RAPGEF1: variants seen among roughly 807,000 people sequenced by gnomAD.
RAPGEF1 encodes Rap guanine nucleotide exchange factor 1.
In RAPGEF1, 33 loss-of-function variants were observed where a neutral mutation model predicts 143.3. That is an observed-to-expected ratio of 0.23 (90% CI 0.17 to 0.31). RAPGEF1 has a LOEUF of 0.31. Ranked by LOEUF, RAPGEF1 falls within the 10% of genes least tolerant of loss-of-function variation. The pLI is 1.00. For missense variants in RAPGEF1, 1,199 were observed against 1,645.4 expected, an observed-to-expected ratio of 0.73 and a Z score of 4.69; for synonymous variants, 629 against 676.5, an observed-to-expected ratio of 0.93 and a Z score of 1.09.
intron 1 of RAPGEF1, among the ~76,000 whole-genome samples, chr9:131,669,896 T>G (rs1295555267): frequency 1.3e-5 from 2 of 152,130 alleles, no homozygotes; most frequent in African/African-American, 4.8e-5. Flanking sequence ...TACAGGGAGT[T>G]GTATCAGGTG....
At chr9:131,669,647 G>A (rs1476350798) in intron 1 of RAPGEF1, among the ~76,000 whole-genome samples, 1 of 152,092 alleles carries the variant, frequency 6.6e-6, no homozygotes, top group Non-Finnish European at 1.5e-5. Context: ...CTCATGTTCT[G>A]ACATGACACC....
intron 22 of RAPGEF1, among the ~76,000 whole-genome samples, chr9:131,586,730 T>TCAAACA (rs1454012431): frequency 3.5e-5 from 3 of 84,990 alleles, no homozygotes; most frequent in Admixed American, 1.4e-4. Context: ...AGACTCCGTC[T>TCAAACA]CACACACACA....
intron 15 of RAPGEF1, 64 bp from the exon 16 acceptor site, chr9:131,598,374 C>A: frequency 1.4e-6 from 2 of 1,406,024 alleles, no homozygotes; most frequent in Non-Finnish European, 2.0e-6. Flanking sequence ...GCCTGGAGGC[C>A]AAGGCAGTGC....
chr9:131,730,124 G>A (rs1019801188), intron 1 of RAPGEF1, among the ~76,000 whole-genome samples: 16 of 148,676 alleles, frequency 1.1e-4, no homozygotes, highest in South Asian at 8.5e-4. Context: ...AACCCGGGAG[G>A]TGGAGCTTGC....
At chr9:131,669,492 C>T (rs551066813) in intron 1 of RAPGEF1, among the ~76,000 whole-genome samples, 16 of 152,312 alleles carry the variant, frequency 1.1e-4, no homozygotes, top group African/African-American at 3.8e-4. Flanking sequence ...AACATTTACA[C>T]GCAAAGCACT....
intron 1 of RAPGEF1, among the ~76,000 whole-genome samples, chr9:131,712,503 C>T (rs182732306): frequency 2.6e-5 from 4 of 152,178 alleles, no homozygotes; most frequent in South Asian, 4.1e-4. Context: ...CTCCTTAGCT[C>T]AGGCCACTCT....
chr9:131,584,271 T>G lies in RAPGEF1; in HGVS notation c.3414+40A>C. The G allele has an allele frequency of 1.9e-6, 3 of 1,543,638 alleles. No homozygotes were observed. The highest frequency in any genetic ancestry group is 2.6e-6 in the Non-Finnish European group (3 of 1,132,264). Reference sequence around the variant, plus strand: ...TCGCCTGAGGGCTGGGCGGCCCCCCTTACCAGCCACCCTCCCGCCCACGCC... The same window carrying G: ...TCGCCTGAGGGCTGGGCGGCCCCCCGTACCAGCCACCCTCCCGCCCACGCC... On this transcript the variant is annotated intron_variant, in intron 24 of 26. Coordinates refer to ENST00000683357, the MANE Select transcript of RAPGEF1 (RefSeq NM_001377935.1). The surrounding 1 kb of genome is among the most constrained non-coding windows in gnomAD (Gnocchi z 6.8).
chr9:131,587,988 G>A lies in RAPGEF1; in HGVS notation c.3092C>T (p.Ala1031Val). 6.2e-7 allele frequency: 1 copy of A among 1,613,094 alleles called. No homozygotes were observed. The highest frequency in any genetic ancestry group is 1.3e-5 in the African/African-American group (1 of 75,068). The change falls in exon 21 of 27, where the codon GCG (alanine) becomes GTG (valine). Residue 1031 changes from alanine to valine, a missense_variant. By Grantham distance (64) the Ala-to-Val change is moderately conservative (BLOSUM62 0). Around this residue, in one of 6 missense-constraint regions of RAPGEF1, gnomAD observed 209 missense variants for 403.0 expected, o/e 0.52. Coordinates refer to ENST00000683357, the MANE Select transcript of RAPGEF1 (RefSeq NM_001377935.1). ...AGCATCCAGCAGCGTTAGCTGCTCC[G>A]CTATCTCATGGCTGTGAAAGTCGTG... ...TLHDFHSHEIAEQLTLLDAEL... is the reference protein window; with the variant it reads ...TLHDFHSHEIVEQLTLLDAEL...
At chr9:131,737,773 G>A (rs1267755521) in intron 1 of RAPGEF1, among the ~76,000 whole-genome samples, 2 of 152,060 alleles carry the variant, frequency 1.3e-5, no homozygotes. Flanking sequence ...GACCATATTG[G>A]CTAACACGGT....
At chr9:131,703,461 G>A (rs1157003376) in intron 1 of RAPGEF1, among the ~76,000 whole-genome samples, 1 of 152,162 alleles carries the variant, frequency 6.6e-6, no homozygotes, top group Non-Finnish European at 1.5e-5. Flanking sequence ...TAAACTGACT[G>A]GATACTGACT....
At chr9:131,670,009 C>T (rs1310504517) in intron 1 of RAPGEF1, among the ~76,000 whole-genome samples, 4 of 152,122 alleles carry the variant, frequency 2.6e-5, no homozygotes, top group Admixed American at 2.0e-4. Flanking sequence ...CCAGCACCAC[C>T]GCAGGCACTC....
chr9:131,588,814 C>A lies in RAPGEF1; in HGVS notation c.3040G>T (p.Gly1014Trp), dbSNP rs539844465. The stretch of plus-strand genomic sequence containing the variant: ...TGGGCTTCTCACCTGGCTGCTACCC[C>A]CCGGGCTGCCAGGGGCTGGCTGGAG... ...ATSSQPLAAR[G>W]VAARPGTLHD... The change falls in exon 20 of 27, where the codon GGG (glycine) becomes TGG (tryptophan). Residue 1014 changes from glycine (G) to tryptophan (W), a missense_variant. By Grantham distance (184) the Gly-to-Trp change is radical. Around this residue, in one of 6 missense-constraint regions of RAPGEF1, gnomAD observed 209 missense variants for 403.0 expected, o/e 0.52. Transcript: ENST00000683357. The A allele has an allele frequency of 3.7e-6, 6 of 1,612,820 alleles. No individual in the cohort carries two copies. The highest frequency in any genetic ancestry group is 1.3e-5 in the African/African-American group (1 of 74,990).
intron 4 of RAPGEF1, among the ~76,000 whole-genome samples, chr9:131,640,800 A>G (rs1407194960): frequency 6.6e-6 from 1 of 152,156 alleles, no homozygotes; most frequent in African/African-American, 2.4e-5. Flanking sequence ...CAGCTCGCAA[A>G]CTGCACTTAG....
intron 12 of RAPGEF1, among the ~76,000 whole-genome samples, chr9:131,613,120 G>GT (rs1321431791): frequency 1.8e-4 from 28 of 152,210 alleles, no homozygotes; most frequent in African/African-American, 6.3e-4. Flanking sequence ...CTGGTTGTGC[G>GT]TCACGTACTA....
At chr9:131,660,394 G>T (rs771329817) in intron 1 of RAPGEF1, among the ~76,000 whole-genome samples, 3 of 151,158 alleles carry the variant, frequency 2.0e-5, no homozygotes, top group African/African-American at 7.3e-5. Context: ...TAACGTAGAC[G>T]GTAAACATTT....
intron 1 of RAPGEF1, among the ~76,000 whole-genome samples, chr9:131,711,486 T>C (rs1835503246): frequency 6.6e-6 from 1 of 151,986 alleles, no homozygotes; most frequent in Non-Finnish European, 1.5e-5. Flanking sequence ...GCCTCCTGAA[T>C]AGCTGGATTA....
At chr9:131,598,799 C>T (rs577183965) in intron 15 of RAPGEF1, among the ~76,000 whole-genome samples, 5 of 151,242 alleles carry the variant, frequency 3.3e-5, no homozygotes, top group East Asian at 2.0e-4. Context: ...AGGGTTCAGT[C>T]GAGCAGGAGA....
chr9:131,676,411 G>A (rs1227145530), intron 1 of RAPGEF1, among the ~76,000 whole-genome samples: 6 of 152,202 alleles, frequency 3.9e-5, no homozygotes, highest in Non-Finnish European at 8.8e-5. Context: ...AAGCACCCCG[G>A]CTGTGCTAAG....
intron 12 of RAPGEF1, among the ~76,000 whole-genome samples, chr9:131,615,690 CG>C (rs999295460): frequency 5.9e-5 from 9 of 152,278 alleles, no homozygotes; most frequent in Middle Eastern, 6.8e-3. Context: ...ATGACCTTCC[CG>C]AATGGATGCT....
Sources: gnomAD v4.1 joint callset for allele counts (sites outside exome capture counted in the v4.1 genomes callset) on GRCh38, gnomAD v4.1.1 for gene constraint, gnomAD v4.1.1 regional missense constraint, Gnocchi (gnomAD v3.1) non-coding constraint, MANE v1.5 for transcripts, NCBI Gene and HGNC (gene_info 2026-07-23, HGNC 2026-07-21) for gene names.